The following GSG1L variants were observed in gnomAD, a reference collection of about 807,000 sequenced individuals.
GSG1L encodes the protein GSG1 like.
In GSG1L, 24 loss-of-function variants were observed where a neutral mutation model predicts 42.1. That is an observed-to-expected ratio of 0.57 (90% CI 0.41 to 0.80). The LOEUF (loss-of-function observed/expected upper bound fraction) is 0.80. Among genes scored for constraint, GSG1L ranks in the 30% least tolerant of loss-of-function variants. The pLI is 0.00. For synonymous variants in GSG1L, 215 were observed against 203.5 expected (o/e 1.06, Z -0.48); for missense variants, 445 against 472.2 (o/e 0.94, Z 0.53).
At chr16:27,812,461 G>A (rs2140948892) in intron 5 of GSG1L, among the ~76,000 whole-genome samples, 1 of 152,252 alleles carries the variant, frequency 6.6e-6, no homozygotes, top group East Asian at 1.9e-4. Context: ...CCCCTGCCGT[G>A]AAAGCAGACA....
At chr16:28,054,002 C>T (rs780848063) in intron 1 of GSG1L, among the ~76,000 whole-genome samples, 3 of 152,056 alleles carry the variant, frequency 2.0e-5, no homozygotes, top group Non-Finnish European at 4.4e-5. Flanking sequence ...GTGGTCCCCT[C>T]GGTCCCCCTC....
intron 5 of GSG1L, among the ~76,000 whole-genome samples, chr16:27,822,964 A>T (rs2083165862): frequency 6.6e-6 from 1 of 152,228 alleles, no homozygotes; most frequent in South Asian, 2.1e-4. Context: ...TCCGTCCCCC[A>T]CACAGTGCCA....
chr16:28,010,583 C>A (rs184809113), intron 1 of GSG1L, among the ~76,000 whole-genome samples: 2,024 of 152,280 alleles, frequency 0.013, 27 homozygotes, highest in Non-Finnish European at 0.021. Context: ...CCTTCAATCT[C>A]CATGAGACCT....
chr16:27,831,208 A>G (rs1596541460), intron 4 of GSG1L, among the ~76,000 whole-genome samples: 1 of 152,166 alleles, frequency 6.6e-6, no homozygotes, highest in East Asian at 1.9e-4. Context: ...CCCTCTTGCC[A>G]CCACCCAGCC....
rs1436201585 is a variant in GSG1L at position 27,789,670 on chromosome 16, A to G, written c.*1700T>C. On this transcript the variant is annotated 3_prime_UTR_variant, in exon 7 of 7. Coordinates refer to ENST00000447459, the MANE Select transcript of GSG1L (RefSeq NM_001109763.2). ...GGATGATGAATGGATGGATGAAAGCATAGACAATGAATGGATAGATGATGG... is the reference window on the plus strand; with the variant it reads ...GGATGATGAATGGATGGATGAAAGCGTAGACAATGAATGGATAGATGATGG... 7 of 149,876 alleles carry G rather than the reference A, an allele frequency of 4.7e-5. No homozygotes were observed. 9.3% of individuals were successfully genotyped at this position (149,876 alleles called of 1,614,324 possible).
intron 2 of GSG1L, among the ~76,000 whole-genome samples, chr16:27,947,549 GAA>G (rs1423619888): frequency 1.8e-5 from 1 of 56,422 alleles, no homozygotes; most frequent in African/African-American, 8.3e-5. Context: ...AGGAAAGAAA[GAA>G]AGAAAGAAAG....
At chr16:27,975,551 T>C (rs927312294) in intron 1 of GSG1L, among the ~76,000 whole-genome samples, 2 of 152,254 alleles carry the variant, frequency 1.3e-5, no homozygotes, top group African/African-American at 4.8e-5. Context: ...ACTTTTCCTC[T>C]GCTTTCGGAT....
At position 28,059,530 on chromosome 16, in the gene GSG1L, C is replaced by T. The variant is rs2086318165; in HGVS notation, c.349+3546G>A. On this transcript the variant is annotated intron_variant, in intron 1 of 6. Transcript: ENST00000447459. The surrounding 1 kb of genome is among the most constrained non-coding windows in gnomAD (Gnocchi z 4.4). ...CCCTTTCCTGCGGCTCAAAAGCATA[C>T]AGGATGAAGTCCAACGCATGTGGAC... Among the ~76,000 whole-genome samples the T allele has an allele frequency of 6.7e-6, 1 of 150,158 alleles. No homozygotes were observed. The highest frequency in any genetic ancestry group is 1.5e-5 in the Non-Finnish European group (1 of 67,662).
chr16:27,890,771 G>T (rs1413936250), intron 2 of GSG1L, among the ~76,000 whole-genome samples: 1 of 152,230 alleles, frequency 6.6e-6, no homozygotes, highest in Non-Finnish European at 1.5e-5. Context: ...AGACAGGTGG[G>T]GGGCACTGGC....
chr16:27,886,344 G>A (rs1322063075), intron 2 of GSG1L, among the ~76,000 whole-genome samples: 1 of 152,174 alleles, frequency 6.6e-6, no homozygotes, highest in Non-Finnish European at 1.5e-5. Flanking sequence ...GGAGGCTGAG[G>A]CAGGAGAATC....
chr16:27,945,360 G>A (rs1327360709), intron 2 of GSG1L, among the ~76,000 whole-genome samples: 2 of 152,102 alleles, frequency 1.3e-5, no homozygotes, highest in African/African-American at 4.8e-5. Context: ...TGCCCTCACC[G>A]CCAGAGATGG....
At chr16:27,969,152 C>A (rs116097034) in intron 1 of GSG1L, among the ~76,000 whole-genome samples, 1 of 152,044 alleles carries the variant, frequency 6.6e-6, no homozygotes, top group Non-Finnish European at 1.5e-5. Context: ...ATAAAGTGTA[C>A]AATTCAATGG....
At chr16:28,026,631 C>T (rs371856476) in intron 1 of GSG1L, among the ~76,000 whole-genome samples, 19 of 152,306 alleles carry the variant, frequency 1.2e-4, no homozygotes, top group South Asian at 8.3e-4. Flanking sequence ...CACTGGGCCC[C>T]GTCCCTTCGC....
intron 1 of GSG1L, among the ~76,000 whole-genome samples, chr16:27,981,031 C>T (rs2085321082): frequency 6.6e-6 from 1 of 152,116 alleles, no homozygotes; most frequent in Admixed American, 6.5e-5. Context: ...GGCACAGAGC[C>T]TTTGATTTGG....
intron 2 of GSG1L, among the ~76,000 whole-genome samples, chr16:27,905,699 C>T (rs1045733157): frequency 1.3e-5 from 2 of 152,012 alleles, no homozygotes; most frequent in Non-Finnish European, 2.9e-5. Context: ...TATCCTAGCA[C>T]GAAGAATGTA....
At chr16:27,803,800 G>GATAGATATATAGATAGATAT (rs2082917674) in intron 6 of GSG1L, among the ~76,000 whole-genome samples, 2 of 74,242 alleles carry the variant, frequency 2.7e-5, no homozygotes, top group African/African-American at 1.0e-4. Flanking sequence ...TATATAGATA[G>GATAGATATATAGATAGATAT]ATAGATATAG....
chr16:28,062,142 A>G (rs2086348663), intron 1 of GSG1L, among the ~76,000 whole-genome samples: 1 of 152,168 alleles, frequency 6.6e-6, no homozygotes, highest in Admixed American at 6.5e-5. Context: ...ACACCCGCTC[A>G]GAGATACCAC....
intron 3 of GSG1L, among the ~76,000 whole-genome samples, chr16:27,875,716 G>T (rs2083879755): frequency 6.6e-6 from 1 of 152,126 alleles, no homozygotes; most frequent in Admixed American, 6.6e-5. Flanking sequence ...TCATCCTCTG[G>T]CATGGTAATT....
chr16:27,955,704 T>C (rs888444028), intron 2 of GSG1L, among the ~76,000 whole-genome samples: 54 of 152,150 alleles, frequency 3.5e-4, no homozygotes, highest in African/African-American at 1.3e-3. Context: ...AGGATATTTT[T>C]CCCCAAAATG....
Sources: allele counts gnomAD v4.1 joint callset (sites outside exome capture counted in the v4.1 genomes callset), GRCh38; gene constraint gnomAD v4.1.1; non-coding constraint Gnocchi (gnomAD v3.1); transcripts MANE v1.5; gene names NCBI Gene and HGNC (gene_info 2026-07-23, HGNC 2026-07-21).